Variants in DSCAM observed in about 807,000 individuals in gnomAD.
DSCAM encodes the protein cell adhesion molecule DSCAM.
DSCAM carries 47 observed loss-of-function variants against 217.7 expected under a neutral mutation model. That is an observed-to-expected ratio of 0.22 (90% CI 0.17 to 0.28). The LOEUF (loss-of-function observed/expected upper bound fraction) is 0.28. Among genes scored for constraint, DSCAM ranks in the 10% least tolerant of loss-of-function variants. DSCAM has a pLI of 1.00. For missense variants in DSCAM, 2,080 were observed against 2,618.3 expected, an observed-to-expected ratio of 0.79 and a Z score of 4.49; for synonymous variants, 1,056 against 1,015.3, an observed-to-expected ratio of 1.04 and a Z score of -0.76.
intron 3 of DSCAM, among the ~76,000 whole-genome samples, chr21:40,572,424 A>G (rs568690203): frequency 6.6e-6 from 1 of 152,330 alleles, no homozygotes; most frequent in African/African-American, 2.4e-5. Flanking sequence ...ACTTAAATAC[A>G]ATTGTATTGA....
At chr21:40,589,806 C>A (rs1391981900) in intron 3 of DSCAM, among the ~76,000 whole-genome samples, 1 of 152,180 alleles carries the variant, frequency 6.6e-6, no homozygotes, top group Non-Finnish European at 1.5e-5. Flanking sequence ...AACTTCTGCA[C>A]ACAAACTATT....
At chr21:40,294,813 T>C (rs2073935295) in intron 10 of DSCAM, among the ~76,000 whole-genome samples, 1 of 152,110 alleles carries the variant, frequency 6.6e-6, no homozygotes, top group African/African-American at 2.4e-5. Context: ...TAAAAAGTCA[T>C]GGGGGCAGAG....
intron 2 of DSCAM, among the ~76,000 whole-genome samples, chr21:40,694,678 G>A (rs34347172): frequency 0.18 from 27,726 of 151,636 alleles, 4,245 homozygotes; most frequent in African/African-American, 0.43. Flanking sequence ...ATGAGGTGAA[G>A]GTCCAGGCAG....
At chr21:40,316,072 G>A (rs753824268) in intron 8 of DSCAM, among the ~76,000 whole-genome samples, 6 of 151,886 alleles carry the variant, frequency 4.0e-5, no homozygotes, top group Admixed American at 1.3e-4. Flanking sequence ...TATAAGTCAC[G>A]GTTAACATAT....
At chr21:40,534,274 T>C (rs1052857112) in intron 3 of DSCAM, among the ~76,000 whole-genome samples, 2 of 152,232 alleles carry the variant, frequency 1.3e-5, no homozygotes, top group Admixed American at 1.3e-4. Flanking sequence ...AACCTTGGAA[T>C]TTCTCTAGGA....
intron 6 of DSCAM, among the ~76,000 whole-genome samples, chr21:40,342,626 G>GTGTATATATATATATATA (rs1491362590): frequency 1.1e-5 from 1 of 94,718 alleles, no homozygotes; most frequent in Non-Finnish European, 1.9e-5. Context: ...GTGTGTGTGT[G>GTGTATATATATATATATA]TATATATATA....
chr21:40,617,337 G>C (rs2089415795), intron 3 of DSCAM, among the ~76,000 whole-genome samples: 1 of 151,882 alleles, frequency 6.6e-6, no homozygotes, highest in South Asian at 2.1e-4. Flanking sequence ...TGTTAGCCAG[G>C]ATGGTCTCGA....
At chr21:40,623,100 C>T (rs1005698198) in intron 3 of DSCAM, among the ~76,000 whole-genome samples, 1 of 152,154 alleles carries the variant, frequency 6.6e-6, no homozygotes, top group Non-Finnish European at 1.5e-5. Flanking sequence ...TCCTGTCCAG[C>T]AGAATGGATG....
chr21:40,193,933 G>A (rs1455778307), intron 11 of DSCAM, among the ~76,000 whole-genome samples: 2 of 152,206 alleles, frequency 1.3e-5, no homozygotes, highest in African/African-American at 2.4e-5. Context: ...GACCCAGAAT[G>A]TAATTCCCTA....
intron 3 of DSCAM, among the ~76,000 whole-genome samples, chr21:40,639,867 C>G (rs13049148): frequency 0.091 from 13,885 of 152,174 alleles, 737 homozygotes; most frequent in Middle Eastern, 0.17. Context: ...TTGAAAATAT[C>G]TGAGAAGTTA....
intron 3 of DSCAM, among the ~76,000 whole-genome samples, chr21:40,562,997 T>C (rs1045623516): frequency 5.9e-5 from 9 of 152,198 alleles, no homozygotes; most frequent in South Asian, 2.1e-4. Flanking sequence ...ATTCAGAGGC[T>C]ACATGTGCAG....
chr21:40,295,974 G>A, intron 10 of DSCAM, 81 bp downstream of exon 10: 1 of 1,506,050 alleles, frequency 6.6e-7, no homozygotes, highest in South Asian at 1.3e-5. Context: ...AAACTTCTCT[G>A]GAAATCTAGA....
In DSCAM at chr21:40,312,077, T is replaced by C; in HGVS notation, c.2062+4A>G. On this transcript the variant is annotated splice_donor_region_variant and intron_variant, in intron 9 of 32. Coordinates refer to ENST00000400454, the MANE Select transcript of DSCAM (RefSeq NM_001389.5). ...TGCCACATGGCTCATGATCCTTTGC[T>C]CACCTCTGACAATCAACTGGCTTTG... is the stretch of plus-strand genomic sequence containing the variant. The C allele has an allele frequency of 6.2e-7, 1 of 1,612,610 alleles. No individual in the cohort carries two copies. The highest frequency in any genetic ancestry group is 8.5e-7 in the Non-Finnish European group (1 of 1,178,840).
At chr21:40,508,477 T>C (rs1463756720) in intron 3 of DSCAM, among the ~76,000 whole-genome samples, 4 of 152,130 alleles carry the variant, frequency 2.6e-5, no homozygotes, top group East Asian at 1.9e-4. Context: ...CATAGGTTAA[T>C]TGAAATCAAA....
chr21:40,197,854 A>G (rs574723626), intron 11 of DSCAM, among the ~76,000 whole-genome samples: 1 of 152,362 alleles, frequency 6.6e-6, no homozygotes, highest in South Asian at 2.1e-4. Context: ...CTAAAGTCAT[A>G]CAACTAGTAA....
At chr21:40,143,031 T>C (rs921422159) in intron 17 of DSCAM, among the ~76,000 whole-genome samples, 1 of 152,218 alleles carries the variant, frequency 6.6e-6, no homozygotes, top group African/African-American at 2.4e-5. Flanking sequence ...AATCATTGTT[T>C]GTCTGATTTA....
At chr21:40,203,172 G>A (rs1404129766) in intron 11 of DSCAM, among the ~76,000 whole-genome samples, 1 of 152,204 alleles carries the variant, frequency 6.6e-6, no homozygotes, top group African/African-American at 2.4e-5. Flanking sequence ...CCTGGGTATG[G>A]ATGCATGAAC....
intron 3 of DSCAM, among the ~76,000 whole-genome samples, chr21:40,448,651 A>G (rs951855626): frequency 2.0e-5 from 3 of 152,130 alleles, no homozygotes; most frequent in Admixed American, 6.5e-5. Flanking sequence ...CTATTTATCT[A>G]TCTACTTTAT....
chr21:40,598,902 T>C (rs2077042171), intron 3 of DSCAM, among the ~76,000 whole-genome samples: 1 of 152,230 alleles, frequency 6.6e-6, no homozygotes. Flanking sequence ...TTAGTAGCTA[T>C]AGAGTAGTAT....
Sources: allele counts gnomAD v4.1 joint callset (sites outside exome capture counted in the v4.1 genomes callset), GRCh38; gene constraint gnomAD v4.1.1; transcripts MANE v1.5; gene names NCBI Gene and HGNC (gene_info 2026-07-23, HGNC 2026-07-21).